Variants in CD109 observed in about 807,000 individuals in gnomAD.
CD109 encodes the protein CD109 molecule, also known as CD109 antigen.
In CD109, 149 loss-of-function variants were observed where a neutral mutation model predicts 165.8. That is an observed-to-expected ratio of 0.90 (90% confidence interval 0.79 to 1.03). CD109 has a LOEUF of 1.03. Among genes scored for constraint, CD109 ranks in the 50% least tolerant of loss-of-function variants. The pLI is 0.00. For missense variants in CD109, 1,712 were observed against 1,677.8 expected, an observed-to-expected ratio of 1.02 and a Z score of -0.36; for synonymous variants, 585 against 592.1, an observed-to-expected ratio of 0.99 and a Z score of 0.18.
rs147258572 is a variant in CD109, at chr6:73,766,978, G to A, written c.1465G>A (p.Gly489Ser). 1,034 of 1,613,006 alleles carry A rather than the reference G, an allele frequency of 6.4e-4. 4 individuals are homozygous for A. The African/African-American group carries it at 0.01, about 16-fold the overall frequency. ...VGSPFELVVS[G>S]NKRLKELSYM... ...ATCGCCTTTTGAGTTGGTGGTTAGT[G>A]GCAACAAACGATTGAAGGAGTTAAG... Residue 489 changes from glycine (G) to serine (S), a missense_variant, in exon 13 of 33, where the codon GGC (glycine) becomes AGC (serine). By Grantham distance (56) the Gly-to-Ser change is moderately conservative. Coordinates refer to ENST00000287097, the MANE Select transcript of CD109 (RefSeq NM_133493.5).
chr6:73,751,047 G>A (rs1773171813), intron 5 of CD109, among the ~76,000 whole-genome samples: 1 of 152,170 alleles, frequency 6.6e-6, no homozygotes, highest in African/African-American at 2.4e-5. Context: ...CTGGATGCCT[G>A]CCTCCAACTC....
At chr6:73,793,530 T>G (rs1201361450) in intron 23 of CD109, among the ~76,000 whole-genome samples, 1 of 152,174 alleles carries the variant, frequency 6.6e-6, no homozygotes, top group Non-Finnish European at 1.5e-5. Context: ...TTTTTGCAGA[T>G]GAGGAAGCTG....
rs201732732 is a variant in CD109, at chr6:73,737,466, CCGAA to C, written c.633+959_633+962del. ...TCTTTTTAAGGTAGCAGAAGCTCTA[CCGAA>C]TGAATGTATGATGTGGTTTTAAAGA... On this transcript the variant is annotated intron_variant, in intron 5 of 32. Coordinates refer to ENST00000287097, the MANE Select transcript of CD109 (RefSeq NM_133493.5). Among the ~76,000 whole-genome samples the C allele has an allele frequency of 1.3e-4, 13 of 96,904 alleles. No homozygotes were observed. The Admixed American group carries it at 1.5e-3, about 11-fold the overall frequency. 63.6% of individuals were successfully genotyped at this position (96,904 alleles called of 152,430 possible).
chr6:73,795,008 T>G (rs1193162238), intron 23 of CD109, among the ~76,000 whole-genome samples: 3 of 151,282 alleles, frequency 2.0e-5, no homozygotes, highest in Admixed American at 6.6e-5. Context: ...AAATGAGATC[T>G]TTACACATTG....
intron 24 of CD109, among the ~76,000 whole-genome samples, chr6:73,805,139 G>A (rs1002409928): frequency 6.6e-6 from 1 of 152,138 alleles, no homozygotes; most frequent in African/African-American, 2.4e-5. Context: ...ACCCAGCTGT[G>A]GGGAAAAGAA....
At chr6:73,807,765 A>G (rs1036990555) in intron 25 of CD109, among the ~76,000 whole-genome samples, 13 of 152,336 alleles carry the variant, frequency 8.5e-5, no homozygotes, top group Admixed American at 6.5e-4. Context: ...TATAAGAAAT[A>G]TATTTCTCAA....
chr6:73,711,376 G>C lies in CD109; in HGVS notation c.248-11875G>C, dbSNP rs538194343. On this transcript the variant is annotated intron_variant, in intron 2 of 32. Transcript: ENST00000287097. ...GAAATAAGAGAGAAAAATATAAAAG[G>C]AGTATGTAAGGGACCAAAGGAGATT... 2.4e-3 allele frequency among the ~76,000 whole-genome samples: 363 copies of C among 152,172 alleles called. 2 individuals are homozygous for C. The highest frequency in any genetic ancestry group is 8.0e-3 in the African/African-American group (331 of 41,500).
At chr6:73,745,532 T>C (rs969331703) in intron 5 of CD109, among the ~76,000 whole-genome samples, 3 of 152,164 alleles carry the variant, frequency 2.0e-5, no homozygotes, top group African/African-American at 7.2e-5. Context: ...GGGATCACCT[T>C]GTTTGCACGT....
At chr6:73,781,707 A>C (rs1039825546) in intron 17 of CD109, among the ~76,000 whole-genome samples, 1 of 151,984 alleles carries the variant, frequency 6.6e-6, no homozygotes, top group Non-Finnish European at 1.5e-5. Flanking sequence ...ATGTTCACCT[A>C]GAAAATAGCC....
chr6:73,736,888 A>G (rs1022134231), intron 5 of CD109, among the ~76,000 whole-genome samples: 1 of 152,216 alleles, frequency 6.6e-6, no homozygotes, highest in African/African-American at 2.4e-5. Flanking sequence ...AGATTAACCT[A>G]CTTTTATCTT....
In CD109 at chr6:73,804,908, A is replaced by G. The variant is rs1562080057; in HGVS notation, c.2960+1607A>G. ...ACAGACACATTAAAAAATGCTCATC[A>G]TCACTGGCCATCAGAGAAATGTAAA... On this transcript the variant is annotated intron_variant, in intron 24 of 32. Transcript: ENST00000287097. Among the ~76,000 whole-genome samples, 5 of 152,232 alleles carry G rather than the reference A, an allele frequency of 3.3e-5. No individual in the cohort carries two copies. In the South Asian group the frequency reaches 1.0e-3, roughly 32 times the overall value.
chr6:73,706,020 C>G (rs56311419), intron 2 of CD109, among the ~76,000 whole-genome samples: 1 of 151,884 alleles, frequency 6.6e-6, no homozygotes, highest in South Asian at 2.1e-4. Context: ...GTGGTGAGAT[C>G]AGTATTGGGG....
intron 2 of CD109, among the ~76,000 whole-genome samples, chr6:73,702,436 G>C (rs768779320): frequency 6.6e-6 from 1 of 152,218 alleles, no homozygotes; most frequent in Non-Finnish European, 1.5e-5. Context: ...TTAGTGTAGT[G>C]TGTGGGCAGA....
chr6:73,769,949 A>G (rs1773977737), intron 14 of CD109, among the ~76,000 whole-genome samples: 1 of 152,246 alleles, frequency 6.6e-6, no homozygotes, highest in Non-Finnish European at 1.5e-5. Context: ...TTGCAATGGA[A>G]GAGAGAGATG....
intron 5 of CD109, among the ~76,000 whole-genome samples, chr6:73,755,296 A>T (rs1399874221): frequency 6.6e-6 from 1 of 152,176 alleles, no homozygotes; most frequent in African/African-American, 2.4e-5. Context: ...TTTCTTTGAG[A>T]TTTTCTTTTT....
At chr6:73,724,690 T>C (rs1772072381) in intron 3 of CD109, among the ~76,000 whole-genome samples, 1 of 151,118 alleles carries the variant, frequency 6.6e-6, no homozygotes, top group Non-Finnish European at 1.5e-5. Flanking sequence ...CATGGCTCAC[T>C]GCAGCCTCAA....
chr6:73,718,727 T>A (rs1771836448), intron 2 of CD109, among the ~76,000 whole-genome samples: 1 of 152,202 alleles, frequency 6.6e-6, no homozygotes, highest in African/African-American at 2.4e-5. Flanking sequence ...TGTTCTCATT[T>A]GTAAAATAAG....
intron 22 of CD109, among the ~76,000 whole-genome samples, chr6:73,789,988 C>T (rs1394977848): frequency 1.3e-5 from 2 of 151,380 alleles, no homozygotes; most frequent in African/African-American, 4.9e-5. Context: ...TCTCGAACCC[C>T]TGACCCAAAG....
At chr6:73,805,170 G>C (rs559062713) in intron 24 of CD109, among the ~76,000 whole-genome samples, 1 of 152,204 alleles carries the variant, frequency 6.6e-6, no homozygotes. Flanking sequence ...GATTGTTACC[G>C]TGTCTGTGTA....
Sources: gnomAD v4.1 joint callset for allele counts (sites outside exome capture counted in the v4.1 genomes callset) on GRCh38, gnomAD v4.1.1 for gene constraint, MANE v1.5 for transcripts, NCBI Gene and HGNC (gene_info 2026-07-23, HGNC 2026-07-21) for gene names.